The following KIAA1328 variants were observed in gnomAD, a reference collection of about 807,000 sequenced individuals.
KIAA1328 encodes the protein protein hinderin.
In KIAA1328, 52 loss-of-function variants were observed where a neutral mutation model predicts 68.1. That is an observed-to-expected ratio of 0.76 (90% confidence interval 0.61 to 0.96). KIAA1328 has a LOEUF of 0.96. Among genes scored for constraint, KIAA1328 ranks in the 40% least tolerant of loss-of-function variants. The pLI is 0.00. For missense variants in KIAA1328, 641 were observed against 677.6 expected, an observed-to-expected ratio of 0.95 and a Z score of 0.60; for synonymous variants, 232 against 239.4, an observed-to-expected ratio of 0.97 and a Z score of 0.28.
At chr18:36,950,651 A>C (rs2051122171) in intron 5 of KIAA1328, among the ~76,000 whole-genome samples, 1 of 152,158 alleles carries the variant, frequency 6.6e-6, no homozygotes, top group Admixed American at 6.5e-5. Flanking sequence ...GGCGGGCAAA[A>C]CATTCTAGGC....
chr18:36,830,636 G>T (rs1469151024), intron 1 of KIAA1328, among the ~76,000 whole-genome samples: 1 of 152,126 alleles, frequency 6.6e-6, no homozygotes, highest in Non-Finnish European at 1.5e-5. Context: ...TAGATATATG[G>T]ACTGAACCTA....
At chr18:36,850,562 G>T (rs2047179548) in intron 4 of KIAA1328, among the ~76,000 whole-genome samples, 1 of 151,946 alleles carries the variant, frequency 6.6e-6, no homozygotes, top group Non-Finnish European at 1.5e-5. Flanking sequence ...GGCACAGTAG[G>T]GGATTAACAA....
At chr18:36,858,794 TTCCATCACACATGA>T (rs2047463059) in intron 4 of KIAA1328, among the ~76,000 whole-genome samples, 1 of 152,230 alleles carries the variant, frequency 6.6e-6, no homozygotes, top group African/African-American at 2.4e-5. Context: ...GAAGTGCCCT[TTCCATCACACATGA>T]TGCATCATCA....
intron 6 of KIAA1328, among the ~76,000 whole-genome samples, chr18:36,960,586 C>T (rs1249621012): frequency 6.6e-6 from 1 of 152,142 alleles, no homozygotes; most frequent in African/African-American, 2.4e-5. Context: ...CAGGCAGGTG[C>T]CCCTCTGGGA....
At chr18:36,998,681 G>C (rs550421193) in intron 6 of KIAA1328, among the ~76,000 whole-genome samples, 1 of 152,222 alleles carries the variant, frequency 6.6e-6, no homozygotes, top group Non-Finnish European at 1.5e-5. Flanking sequence ...ACCATTTACA[G>C]CCAAAGAAAT....
At chr18:37,021,514 G>T (rs1296871318) in intron 6 of KIAA1328, among the ~76,000 whole-genome samples, 1 of 152,052 alleles carries the variant, frequency 6.6e-6, no homozygotes, top group Non-Finnish European at 1.5e-5. Context: ...ACCAAATTCT[G>T]ACTCTCAATA....
intron 5 of KIAA1328, among the ~76,000 whole-genome samples, chr18:36,958,669 A>C (rs2151267061): frequency 6.6e-6 from 1 of 152,246 alleles, no homozygotes; most frequent in South Asian, 2.1e-4. Context: ...GCCTTTGCCC[A>C]CTTTTAAATT....
intron 6 of KIAA1328, among the ~76,000 whole-genome samples, chr18:37,061,869 G>A (rs945354015): frequency 1.3e-5 from 2 of 152,106 alleles, no homozygotes; most frequent in Admixed American, 6.5e-5. Context: ...ACCATATGCT[G>A]TTGAGAATGT....
At chr18:37,026,446 C>A (rs908136584) in intron 6 of KIAA1328, among the ~76,000 whole-genome samples, 1 of 152,108 alleles carries the variant, frequency 6.6e-6, no homozygotes, top group Non-Finnish European at 1.5e-5. Flanking sequence ...ACCAATATCC[C>A]TGATGAACAT....
At chr18:37,163,538 A>G (rs2059325735) in intron 8 of KIAA1328, among the ~76,000 whole-genome samples, 1 of 152,194 alleles carries the variant, frequency 6.6e-6, no homozygotes, top group East Asian at 1.9e-4. Context: ...GAGGTCCCCT[A>G]GTAACTCCCA....
intron 6 of KIAA1328, among the ~76,000 whole-genome samples, chr18:36,987,824 GT>G (rs904941777): frequency 6.7e-6 from 1 of 148,938 alleles, no homozygotes; most frequent in Non-Finnish European, 1.5e-5. Flanking sequence ...CAGTAATGCT[GT>G]TTTTTTTTGT....
At chr18:36,913,102 C>T (rs2049522502) in intron 5 of KIAA1328, among the ~76,000 whole-genome samples, 1 of 152,130 alleles carries the variant, frequency 6.6e-6, no homozygotes, top group Admixed American at 6.6e-5. Context: ...TTTCATCAGC[C>T]TGTTTCCTGC....
chr18:36,951,408 A>C (rs111857676), intron 5 of KIAA1328, among the ~76,000 whole-genome samples: 44 of 152,338 alleles, frequency 2.9e-4, no homozygotes, highest in African/African-American at 1.0e-3. Flanking sequence ...TAAGGAATTC[A>C]GTAGTAAACA....
downstream of KIAA1328, among the ~76,000 whole-genome samples, chr18:37,225,862 G>T (rs987406748): frequency 6.6e-6 from 1 of 152,118 alleles, no homozygotes; most frequent in African/African-American, 2.4e-5. Flanking sequence ...CTTCGCACCT[G>T]CCCCTCAGAG....
intron 6 of KIAA1328, among the ~76,000 whole-genome samples, chr18:36,982,206 C>A (rs1267948900): frequency 1.4e-5 from 2 of 145,392 alleles, no homozygotes; most frequent in African/African-American, 5.1e-5. Flanking sequence ...GAGTTGTGAG[C>A]AGAAAACTTT....
At chr18:37,123,907 G>T (rs914786393) in intron 7 of KIAA1328, among the ~76,000 whole-genome samples, 22 of 152,144 alleles carry the variant, frequency 1.4e-4, no homozygotes, top group Non-Finnish European at 5.9e-5. Flanking sequence ...AAAGGTTCCT[G>T]TTAATAAGCT....
intron 6 of KIAA1328, among the ~76,000 whole-genome samples, chr18:36,982,124 ATATAT>A (rs2052716638): frequency 1.5e-5 from 2 of 134,966 alleles, no homozygotes; most frequent in South Asian, 4.6e-4. Flanking sequence ...TAATATATAA[ATATAT>A]TATAAAAATA....
intron 5 of KIAA1328, among the ~76,000 whole-genome samples, chr18:36,957,445 G>T (rs1167907957): frequency 1.3e-5 from 2 of 152,098 alleles, no homozygotes; most frequent in Non-Finnish European, 2.9e-5. Flanking sequence ...AGGACTATTT[G>T]TCTCCCAGGC....
At chr18:37,160,882 A>G (rs1019594512) in intron 8 of KIAA1328, among the ~76,000 whole-genome samples, 2 of 152,186 alleles carry the variant, frequency 1.3e-5, no homozygotes, top group African/African-American at 4.8e-5. Context: ...ACTTCCTGTT[A>G]TATGTGGTAG....
Sources: gnomAD v4.1 joint callset for allele counts (sites outside exome capture counted in the v4.1 genomes callset) on GRCh38, gnomAD v4.1.1 for gene constraint, MANE v1.5 for transcripts, NCBI Gene and HGNC (gene_info 2026-07-23, HGNC 2026-07-21) for gene names.